The following CPQ variants were observed in gnomAD, a reference collection of about 807,000 sequenced individuals.
The protein encoded by CPQ is Ser-Met dipeptidase.
Under a neutral mutation model 45.7 loss-of-function variants are expected in CPQ, and 37 were observed. The ratio of observed to expected loss-of-function variants is 0.81; its 90% CI spans 0.62 to 1.07. The LOEUF is 1.07. Among genes scored for constraint, CPQ ranks in the 50% least tolerant of loss-of-function variants. The probability of loss-of-function intolerance (pLI) is 0.00; values close to 1 mark genes in which losing one functional copy is unlikely to be tolerated. For missense variants in CPQ, 537 were observed against 572.9 expected, an observed-to-expected ratio of 0.94 and a Z score of 0.64; for synonymous variants, 186 against 205.8, an observed-to-expected ratio of 0.90 and a Z score of 0.82.
chr8:97,040,735 T>C (rs1810105690), intron 6 of CPQ, among the ~76,000 whole-genome samples: 1 of 152,190 alleles, frequency 6.6e-6, no homozygotes, highest in African/African-American at 2.4e-5. Flanking sequence ...ATTTATTAAA[T>C]AGGGAATCCT....
At chr8:97,076,295 A>AGCC (rs1452771789) in intron 7 of CPQ, among the ~76,000 whole-genome samples, 1 of 152,182 alleles carries the variant, frequency 6.6e-6, no homozygotes, top group Non-Finnish European at 1.5e-5. Context: ...AAGTGCTGGG[A>AGCC]TTACAGTCAT....
At chr8:96,892,966 T>C (rs1230480036) in intron 4 of CPQ, among the ~76,000 whole-genome samples, 7 of 152,190 alleles carry the variant, frequency 4.6e-5, no homozygotes, top group Non-Finnish European at 1.0e-4. Flanking sequence ...TATAGAATAC[T>C]TAGTACATGG....
intron 3 of CPQ, among the ~76,000 whole-genome samples, chr8:96,842,674 C>G (rs927702233): frequency 6.6e-6 from 1 of 152,050 alleles, no homozygotes; most frequent in Non-Finnish European, 1.5e-5. Flanking sequence ...GTTCTTTAAT[C>G]ACTGGATTCT....
chr8:96,864,561 A>G (rs1811972146), intron 3 of CPQ, among the ~76,000 whole-genome samples: 1 of 152,042 alleles, frequency 6.6e-6, no homozygotes, highest in Non-Finnish European at 1.5e-5. Flanking sequence ...TACATATTCT[A>G]TATTTTCAAA....
At chr8:96,906,369 A>G (rs1812577378) in intron 4 of CPQ, among the ~76,000 whole-genome samples, 1 of 152,182 alleles carries the variant, frequency 6.6e-6, no homozygotes, top group South Asian at 2.1e-4. Flanking sequence ...TAGAATAGGA[A>G]TTTATGTGAA....
intron 7 of CPQ, among the ~76,000 whole-genome samples, chr8:97,102,337 G>GT (rs1258748389): frequency 6.6e-6 from 1 of 152,128 alleles, no homozygotes; most frequent in Non-Finnish European, 1.5e-5. Flanking sequence ...CATCACTACT[G>GT]TTTGAGTTAA....
intron 7 of CPQ, among the ~76,000 whole-genome samples, chr8:97,119,071 G>A (rs1811647357): frequency 6.6e-6 from 1 of 152,056 alleles, no homozygotes; most frequent in Admixed American, 6.6e-5. Flanking sequence ...GCTCACACTT[G>A]TAATCCTAGC....
At chr8:97,004,525 C>T (rs1295927269) in intron 5 of CPQ, among the ~76,000 whole-genome samples, 1 of 151,848 alleles carries the variant, frequency 6.6e-6, no homozygotes, top group East Asian at 1.9e-4. Flanking sequence ...ACAAAATTAC[C>T]CTTTGACTAA....
In CPQ at chr8:96,854,557, A is replaced by ACAC. The variant is rs538425270; in HGVS notation, c.641+19377_641+19378insCAC. 7.5e-3 allele frequency among the ~76,000 whole-genome samples: 577 copies of ACAC among 76,888 alleles called. 100 individuals carry two copies. The highest frequency in any genetic ancestry group is 0.028 in the South Asian group (74 of 2,666). 50.4% of individuals were successfully genotyped at this position (76,888 alleles called of 152,430 possible). A position where few individuals can be genotyped will look rare whatever the true frequency, so the allele number is the denominator to read the frequency against. The stretch of plus-strand genomic sequence containing the variant: ...AAAAAAAAAAAAAAAAAAAAAAAAA[A>ACAC]AATGTGGTGGAACTAAAAGCCCAGT... On this transcript the variant is annotated intron_variant, in intron 3 of 7. Transcript: ENST00000220763.
chr8:97,047,523 C>T (rs957240073), intron 6 of CPQ, among the ~76,000 whole-genome samples: 1 of 152,200 alleles, frequency 6.6e-6, no homozygotes, highest in African/African-American at 2.4e-5. Flanking sequence ...TGTAACCATG[C>T]AGACATCAGT....
rs867313318 is a variant in CPQ, at chr8:97,123,048, A to T, written c.1256-19972A>T. Among the ~76,000 whole-genome samples, 160 of 58,124 alleles carry T rather than the reference A, an allele frequency of 2.8e-3. 1 individual carries two copies. The Middle Eastern group carries it at 0.032, about 12-fold the overall frequency. 38.1% of individuals were successfully genotyped at this position (58,124 alleles called of 152,430 possible). A position where few individuals can be genotyped will look rare whatever the true frequency, so the allele number is the denominator to read the frequency against. ...ATAAATAAAATAAAATAAAATAAAT[A>T]AAATAAAATAAAATAAAAAAAATAA... On this transcript the variant is annotated intron_variant, in intron 7 of 7. Transcript: ENST00000220763.
At chr8:96,915,513 C>T (rs1179276379) in intron 4 of CPQ, among the ~76,000 whole-genome samples, 1 of 152,144 alleles carries the variant, frequency 6.6e-6, no homozygotes, top group Non-Finnish European at 1.5e-5. Context: ...AAATGAGCTA[C>T]ATCTCTTTAT....
At chr8:97,123,105 A>AAAATAAAATAAAAT (rs1811768104) in intron 7 of CPQ, among the ~76,000 whole-genome samples, 1 of 92,928 alleles carries the variant, frequency 1.1e-5, no homozygotes, top group African/African-American at 5.5e-5. Context: ...TAAAATAAAT[A>AAAATAAAATAAAAT]AAATAAAATA....
At position 97,029,421 on chromosome 8, in the gene CPQ, C is replaced by A; in HGVS notation, c.980C>A (p.Thr327Asn). ...IKDLGLRPKR[T>N]LRLVLWTAEE... ...TTCCCAGGGCTGCGTCCAAAGAGGA[C>A]TCTGCGGCTGGTGCTCTGGACTGCA... The change falls in exon 6 of 8, where the codon ACT (threonine) becomes AAT (asparagine). Residue 327 changes from threonine to asparagine, a missense_variant. Coordinates refer to ENST00000220763, the MANE Select transcript of CPQ (RefSeq NM_016134.4). 1 of 1,607,626 alleles carries A rather than the reference C, an allele frequency of 6.2e-7. No homozygotes were observed. The highest frequency in any genetic ancestry group is 1.1e-5 in the South Asian group (1 of 89,750).
intron 2 of CPQ, among the ~76,000 whole-genome samples, chr8:96,799,943 A>T (rs1810984873): frequency 6.6e-6 from 1 of 152,198 alleles, no homozygotes. Flanking sequence ...TGTAAGAATA[A>T]GCACACCTAT....
At chr8:97,108,471 A>G (rs542563893) in intron 7 of CPQ, among the ~76,000 whole-genome samples, 1 of 152,376 alleles carries the variant, frequency 6.6e-6, no homozygotes, top group Non-Finnish European at 1.5e-5. Flanking sequence ...TAAGAAGAAT[A>G]TAACTCCTTT....
At chr8:97,129,325 A>C (rs988347398) in intron 7 of CPQ, among the ~76,000 whole-genome samples, 2 of 152,136 alleles carry the variant, frequency 1.3e-5, no homozygotes, top group Admixed American at 6.5e-5. Context: ...TTCAGCACCA[A>C]GTAAAACGGC....
intron 4 of CPQ, among the ~76,000 whole-genome samples, chr8:96,885,434 A>G (rs1812289490): frequency 6.6e-6 from 1 of 152,196 alleles, no homozygotes; most frequent in South Asian, 2.1e-4. Context: ...TGCATGGACT[A>G]ACACTAGGCA....
chr8:96,964,858 G>A (rs1813528413), intron 4 of CPQ, among the ~76,000 whole-genome samples: 1 of 151,866 alleles, frequency 6.6e-6, no homozygotes, highest in African/African-American at 2.4e-5. Context: ...CTACATATTT[G>A]TATGTTTTAT....
Sources: allele counts gnomAD v4.1 joint callset (sites outside exome capture counted in the v4.1 genomes callset), GRCh38; gene constraint gnomAD v4.1.1; transcripts MANE v1.5; gene names NCBI Gene and HGNC (gene_info 2026-07-23, HGNC 2026-07-21).